Variants in GALNT14 observed in about 807,000 individuals in gnomAD.
The protein encoded by GALNT14 is polypeptide N-acetylgalactosaminyltransferase 14, also known as UDP-GalNAc:polypeptide N-acetylgalactosaminyltransferase 14.
Under a neutral mutation model 77.5 loss-of-function variants are expected in GALNT14, and 60 were observed. The ratio of observed to expected loss-of-function variants is 0.77; its 90% CI spans 0.63 to 0.96. GALNT14 has a LOEUF of 0.96. GALNT14 is among the 40% of genes least tolerant of loss of function. The probability of loss-of-function intolerance (pLI) is 0.00; values close to 1 mark genes in which losing one functional copy is unlikely to be tolerated. For missense variants in GALNT14, 710 were observed against 731.0 expected (o/e 0.97, Z 0.33); for synonymous variants, 280 against 281.7 (o/e 0.99, Z 0.06).
chr2:31,062,779 T>C (rs771050459), intron 1 of GALNT14, among the ~76,000 whole-genome samples: 13 of 152,050 alleles, frequency 8.5e-5, no homozygotes, highest in Non-Finnish European at 1.9e-4. Context: ...TGGTATCTCA[T>C]GGTGGTTTTG....
downstream of GALNT14, among the ~76,000 whole-genome samples, chr2:30,910,153 A>C (rs1382272413): frequency 6.6e-6 from 1 of 151,740 alleles, no homozygotes; most frequent in Admixed American, 6.6e-5. Flanking sequence ...TGGCACATGT[A>C]TACATATGTA....
intron 1 of GALNT14, among the ~76,000 whole-genome samples, chr2:30,997,802 T>G (rs527482090): frequency 6.6e-6 from 1 of 152,348 alleles, no homozygotes; most frequent in East Asian, 1.9e-4. Context: ...AACATTTTCA[T>G]TTCCTTAAAT....
chr2:31,046,501 T>C (rs1186256199), intron 1 of GALNT14, among the ~76,000 whole-genome samples: 1 of 152,230 alleles, frequency 6.6e-6, no homozygotes, highest in East Asian at 1.9e-4. Context: ...GTGCTGGGAT[T>C]ACGGGCGTGA....
intron 2 of GALNT14, among the ~76,000 whole-genome samples, chr2:30,968,108 G>A (rs899694243): frequency 6.6e-6 from 1 of 152,214 alleles, no homozygotes; most frequent in South Asian, 2.1e-4. Flanking sequence ...TTCTCGTGAT[G>A]AGACTCTCCT....
At chr2:31,130,464 G>A (rs1199777207) in intron 1 of GALNT14, among the ~76,000 whole-genome samples, 1 of 152,206 alleles carries the variant, frequency 6.6e-6, no homozygotes, top group Non-Finnish European at 1.5e-5. Flanking sequence ...GGGGACAGAA[G>A]AAGAATGTGA....
chr2:30,962,428 A>T (rs1173162296), intron 3 of GALNT14, among the ~76,000 whole-genome samples: 1 of 152,228 alleles, frequency 6.6e-6, no homozygotes, highest in Non-Finnish European at 1.5e-5. Context: ...AAGACTCAAC[A>T]CATAAAGGGA....
At chr2:30,990,642 C>T (rs1669639089) in intron 2 of GALNT14, among the ~76,000 whole-genome samples, 1 of 152,240 alleles carries the variant, frequency 6.6e-6, no homozygotes, top group Admixed American at 6.5e-5. Flanking sequence ...CAGTGCTAGC[C>T]TGGGGCTTTG....
intron 1 of GALNT14, among the ~76,000 whole-genome samples, chr2:31,068,316 G>A (rs911062311): frequency 1.3e-5 from 2 of 151,872 alleles, no homozygotes; most frequent in African/African-American, 2.4e-5. Context: ...GCGAAACCCC[G>A]TCTCTACTAA....
chr2:31,133,726 G>T (rs1573395999), intron 1 of GALNT14, among the ~76,000 whole-genome samples: 2 of 152,274 alleles, frequency 1.3e-5, no homozygotes, highest in Non-Finnish European at 2.9e-5. Flanking sequence ...AGGGAGAGAA[G>T]AAATTAAAAC....
intron 1 of GALNT14, among the ~76,000 whole-genome samples, chr2:31,127,231 T>A (rs1678746948): frequency 6.6e-6 from 1 of 152,170 alleles, no homozygotes; most frequent in African/African-American, 2.4e-5. Flanking sequence ...TGACTTACAA[T>A]GCCAGAGATG....
chr2:31,019,794 G>A (rs1361503749), intron 1 of GALNT14, among the ~76,000 whole-genome samples: 1 of 152,168 alleles, frequency 6.6e-6, no homozygotes, highest in Non-Finnish European at 1.5e-5. Flanking sequence ...CTGTAAAGTG[G>A]GCATCATGAT....
the GALNT14 span, among the ~76,000 whole-genome samples, chr2:30,904,634 AG>A: frequency 6.6e-6 from 1 of 152,058 alleles, no homozygotes; most frequent in East Asian, 1.9e-4. Flanking sequence ...AGGCTGGGGG[AG>A]GGGCGCCCGC....
intron 10 of GALNT14, 86 bp downstream of exon 10, chr2:30,931,982 A>G (rs1665757183): frequency 2.2e-5 from 29 of 1,333,734 alleles, no homozygotes; most frequent in South Asian, 7.2e-5. Context: ...ACAGAGCACC[A>G]GGGACGGCTG....
At chr2:31,011,123 C>T (rs1049421343) in intron 1 of GALNT14, among the ~76,000 whole-genome samples, 18 of 152,196 alleles carry the variant, frequency 1.2e-4, no homozygotes, top group African/African-American at 4.3e-4. Context: ...TGCAATCTCT[C>T]CTCCAGTTAC....
intron 7 of GALNT14, 71 bp from the exon 8 acceptor site, chr2:30,945,013 A>C: frequency 7.3e-7 from 1 of 1,368,196 alleles, no homozygotes; most frequent in Non-Finnish European, 1.0e-6. Flanking sequence ...CCTCTCCAGA[A>C]GGTCATGAAT....
chr2:31,131,305 G>T (rs898807027), intron 1 of GALNT14, among the ~76,000 whole-genome samples: 3 of 152,156 alleles, frequency 2.0e-5, no homozygotes, highest in Non-Finnish European at 2.9e-5. Flanking sequence ...ACCCAGCCCA[G>T]GATAAATACA....
chr2:31,128,220 T>C (rs1463328765), intron 1 of GALNT14, among the ~76,000 whole-genome samples: 1 of 151,760 alleles, frequency 6.6e-6, no homozygotes, highest in Non-Finnish European at 1.5e-5. Flanking sequence ...CTGTACTGGG[T>C]AGAACCAGCA....
At chr2:31,131,373 T>C (rs946926565) in intron 1 of GALNT14, among the ~76,000 whole-genome samples, 1 of 152,140 alleles carries the variant, frequency 6.6e-6, no homozygotes, top group South Asian at 2.1e-4. Context: ...CCAGACTCAC[T>C]TCCCCAAACA....
At chr2:31,129,354 G>C in intron 1 of GALNT14, 1 of 984,618 alleles carries the variant, frequency 1.0e-6, no homozygotes, top group Non-Finnish European at 1.2e-6. Context: ...ATCACACCAA[G>C]TGGTGGGGAA....
Sources: gnomAD v4.1 joint callset for allele counts (sites outside exome capture counted in the v4.1 genomes callset) on GRCh38, gnomAD v4.1.1 for gene constraint, MANE v1.5 for transcripts, NCBI Gene and HGNC (gene_info 2026-07-23, HGNC 2026-07-21) for gene names.